The following SYT16 variants were observed in gnomAD, a reference collection of about 807,000 sequenced individuals.
SYT16 encodes the protein synaptotagmin 16.
Under a neutral mutation model 61.4 loss-of-function variants are expected in SYT16, and 42 were observed. The observed-to-expected ratio is 0.68, with a 90% CI of 0.53 to 0.89. The LOEUF (loss-of-function observed/expected upper bound fraction) is 0.89, where lower values mean the gene tolerates loss of function less well. Among genes scored for constraint, SYT16 ranks in the 40% least tolerant of loss-of-function variants. The pLI is 0.00. For missense variants in SYT16, 804 were observed against 807.3 expected, an observed-to-expected ratio of 1.00 and a Z score of 0.05; for synonymous variants, 314 against 302.3, an observed-to-expected ratio of 1.04 and a Z score of -0.40.
chr14:61,862,673 C>T (rs1466658421), intron 1 of SYT16, among the ~76,000 whole-genome samples: 1 of 152,194 alleles, frequency 6.6e-6, no homozygotes. Context: ...TGGTGTTGTA[C>T]ATTCTCTGAG....
At chr14:61,830,535 A>G (rs2045906188) in intron 1 of SYT16, among the ~76,000 whole-genome samples, 1 of 152,132 alleles carries the variant, frequency 6.6e-6, no homozygotes, top group Non-Finnish European at 1.5e-5. Flanking sequence ...AAACTTTACT[A>G]TGTTGACTCC....
At chr14:61,942,990 C>T (rs2050267599) in intron 1 of SYT16, among the ~76,000 whole-genome samples, 1 of 151,788 alleles carries the variant, frequency 6.6e-6, no homozygotes, top group South Asian at 2.1e-4. Context: ...ACTAGCCAGA[C>T]TAATAAAGAA....
chr14:61,899,817 A>G (rs11158366), intron 1 of SYT16, among the ~76,000 whole-genome samples: 28,659 of 152,144 alleles, frequency 0.19, 3,108 homozygotes, highest in East Asian at 0.33. Flanking sequence ...CTTAACATCA[A>G]TGCTATGGTA....
intron 7 of SYT16, among the ~76,000 whole-genome samples, chr14:62,095,133 C>A (rs1446595064): frequency 6.6e-6 from 1 of 151,952 alleles, no homozygotes; most frequent in Non-Finnish European, 1.5e-5. Context: ...ATATCAATAA[C>A]TAATAATGTG....
Position 62,064,334 on chromosome 14 carries a change from G to GAAAAA in SYT16, c.524-5249_524-5245dup, listed in dbSNP as rs781727444. On this transcript the variant is annotated intron_variant, in intron 3 of 7. Transcript: ENST00000683842. ...TAGACAAGAGCCAAACTTTAAATTT[G>GAAAAA]AAAAAAAAAAAAAAAAAAAAAAAAG... is the stretch of plus-strand genomic sequence containing the variant. Among the ~76,000 whole-genome samples the GAAAAA allele has an allele frequency of 3.7e-3, 159 of 42,988 alleles. 2 individuals are homozygous for GAAAAA. The highest frequency in any genetic ancestry group is 9.6e-3 in the East Asian group (13 of 1,348). The allele number at this position is 42,988 out of a possible 152,430, so 28.2% of individuals were successfully genotyped here. A position where few individuals can be genotyped will look rare whatever the true frequency, so the allele number is the denominator to read the frequency against.
chr14:62,085,073 G>C (rs1330505801), intron 7 of SYT16, among the ~76,000 whole-genome samples: 1 of 152,138 alleles, frequency 6.6e-6, no homozygotes, highest in African/African-American at 2.4e-5. Flanking sequence ...GGGGTTCAAG[G>C]TATATCCCCA....
At position 61,888,304 on chromosome 14, in the gene SYT16, G is replaced by C. The variant is rs138812414; in HGVS notation, c.-325+75494G>C. Reference sequence around the variant, plus strand: ...GGCTAATTTTTATATTTTTAGTAGAGACAGGGTTTTGCCATATTGGCCAGG... The same window carrying C: ...GGCTAATTTTTATATTTTTAGTAGACACAGGGTTTTGCCATATTGGCCAGG... On this transcript the variant is annotated intron_variant, in intron 1 of 7. Coordinates refer to ENST00000683842, the MANE Select transcript of SYT16 (RefSeq NM_001367656.1). Among the ~76,000 whole-genome samples the C allele has an allele frequency of 1.9e-3, 284 of 152,052 alleles. 1 individual carries two copies. Among genetic ancestry groups the C allele is most frequent in the African/African-American group, 6.6e-3 (273 of 41,492 alleles).
At chr14:61,847,245 G>A (rs750793964) in intron 1 of SYT16, among the ~76,000 whole-genome samples, 54 of 152,086 alleles carry the variant, frequency 3.6e-4, no homozygotes, top group Non-Finnish European at 6.8e-4. Context: ...TGGTGTTATT[G>A]AAATCTTTCA....
chr14:61,955,104 C>T (rs1254838), intron 1 of SYT16, among the ~76,000 whole-genome samples: 87,455 of 151,768 alleles, frequency 0.58, 25,812 homozygotes, highest in Non-Finnish European at 0.61. Context: ...TATATAGTAC[C>T]TAACTGATTT....
At chr14:62,089,942 G>T (rs1209492202) in intron 7 of SYT16, among the ~76,000 whole-genome samples, 1 of 152,206 alleles carries the variant, frequency 6.6e-6, no homozygotes, top group African/African-American at 2.4e-5. Context: ...TCACGGGAAA[G>T]CAATTCAGTA....
intron 2 of SYT16, among the ~76,000 whole-genome samples, chr14:61,982,850 G>GTTAATGAT (rs2052143533): frequency 6.6e-6 from 1 of 152,134 alleles, no homozygotes; most frequent in African/African-American, 2.4e-5. Context: ...ATTAACAACA[G>GTTAATGAT]CTCTTCTCTG....
At position 62,081,269 on chromosome 14, in the gene SYT16, A is replaced by C. The variant is rs762537120; in HGVS notation, c.1429A>C (p.Ile477Leu). The C allele has an allele frequency of 1.2e-6, 2 of 1,613,058 alleles. No individual in the cohort carries two copies. Among genetic ancestry groups the C allele is most frequent in the Admixed American group, 3.3e-5 (2 of 59,954 alleles). Residue 477 changes from isoleucine (I) to leucine (L), a missense_variant, in exon 6 of 8, where the codon ATA becomes CTA. By Grantham distance (5) the Ile-to-Leu change is conservative. Transcript: ENST00000683842. ...TCTGGTTCTGGAGCCAAGAAGTAATATAAGCGTGAGTATGTTAAATGGTGC... is the reference window on the plus strand; with the variant it reads ...TCTGGTTCTGGAGCCAAGAAGTAATCTAAGCGTGAGTATGTTAAATGGTGC... ...VTLVLEPRSN[I>L]SSGGSPLSPS...
intron 3 of SYT16, among the ~76,000 whole-genome samples, chr14:62,018,427 C>T (rs1309226714): frequency 6.6e-6 from 1 of 150,866 alleles, no homozygotes; most frequent in Non-Finnish European, 1.5e-5. Flanking sequence ...CCTACCTCAG[C>T]CTCCCAAGTA....
rs771955027 is a variant in SYT16, at chr14:62,075,274, G to A, written c.876G>A (p.Val292=). Residue 292 remains valine, a synonymous_variant, in exon 5 of 8, where the codon GTG becomes GTA. Coordinates refer to ENST00000683842, the MANE Select transcript of SYT16 (RefSeq NM_001367656.1). ...HHGTSHQESS[V]VQSLRRQSTE... ...GCACATCTCACCAAGAGTCCAGTGT[G>A]GTCCAAAGCCTCAGGCGCCAATCCA... is the stretch of plus-strand genomic sequence containing the variant. 1.7e-5 allele frequency: 27 copies of A among 1,613,794 alleles called. No homozygotes were observed. Among genetic ancestry groups the A allele is most frequent in the Admixed American group, 1.3e-4 (8 of 59,976 alleles).
intron 3 of SYT16, among the ~76,000 whole-genome samples, chr14:62,053,470 A>T (rs2055401952): frequency 6.6e-6 from 1 of 152,166 alleles, no homozygotes; most frequent in South Asian, 2.1e-4. Flanking sequence ...AGACCTTGGC[A>T]CTTCTCAGCT....
At chr14:62,054,307 G>GA (rs2055441690) in intron 3 of SYT16, among the ~76,000 whole-genome samples, 1 of 117,178 alleles carries the variant, frequency 8.5e-6, no homozygotes, top group Non-Finnish European at 1.6e-5. Flanking sequence ...CAGATTGTAT[G>GA]ATTTTTTTTT....
At chr14:61,964,649 G>GTT (rs2051239424) in intron 1 of SYT16, among the ~76,000 whole-genome samples, 1 of 152,178 alleles carries the variant, frequency 6.6e-6, no homozygotes, top group Non-Finnish European at 1.5e-5. Flanking sequence ...CAGTGGAAGA[G>GTT]TTTGAGAGGA....
intron 7 of SYT16, among the ~76,000 whole-genome samples, chr14:62,088,780 G>T (rs1182597165): frequency 6.6e-6 from 1 of 152,128 alleles, no homozygotes; most frequent in Non-Finnish European, 1.5e-5. Context: ...ACTTAAGGTG[G>T]TGGGTATAGG....
rs752166024 is a variant in SYT16, at chr14:61,996,062, C to T, written c.43C>T (p.Gln15Ter). Reference sequence around the variant, plus strand: ...GTCTCAGGATGTTCAGAACTTCTTCCAGCCTTTCTCTTCCTGGATATCTCG... The same window carrying T: ...GTCTCAGGATGTTCAGAACTTCTTCTAGCCTTTCTCTTCCTGGATATCTCG... The part of the protein sequence containing the change: ...MASQDVQNFF[Q>*]PFSSWISRVY... Residue 15 changes from glutamine to a stop codon, truncating the protein, a stop_gained, in exon 3 of 8, where the codon CAG becomes TAG. Transcript: ENST00000683842. LOFTEE classifies it high-confidence loss of function. 6 of 1,609,404 alleles carry T rather than the reference C, an allele frequency of 3.7e-6. No homozygotes were observed. The East Asian group carries it at 6.7e-5, about 18-fold the overall frequency.
Sources: allele counts gnomAD v4.1 joint callset (sites outside exome capture counted in the v4.1 genomes callset), GRCh38; gene constraint gnomAD v4.1.1; transcripts MANE v1.5; gene names NCBI Gene and HGNC (gene_info 2026-07-23, HGNC 2026-07-21).